The following PHF21A variants were observed in gnomAD, a reference collection of about 807,000 sequenced individuals.
PHF21A encodes the protein BHC80a.
PHF21A carries 11 observed loss-of-function variants against 82.5 expected under a neutral mutation model. That is an observed-to-expected ratio of 0.13 (90% CI 0.08 to 0.22). PHF21A has a LOEUF of 0.22. Ranked by LOEUF, PHF21A falls within the 10% of genes least tolerant of loss-of-function variation. PHF21A has a pLI of 1.00. For synonymous variants in PHF21A, 297 were observed against 302.8 expected (o/e 0.98, Z 0.20); for missense variants, 579 against 837.8 (o/e 0.69, Z 3.81).
intron 6 of PHF21A, among the ~76,000 whole-genome samples, chr11:46,016,159 A>G (rs1194184124): frequency 6.6e-6 from 1 of 152,200 alleles, no homozygotes; most frequent in African/African-American, 2.4e-5. Flanking sequence ...GAAAATTTTT[A>G]GCTCCACTAT....
At chr11:45,998,740 G>A (rs1419778093) in intron 6 of PHF21A, among the ~76,000 whole-genome samples, 1 of 151,952 alleles carries the variant, frequency 6.6e-6, no homozygotes, top group East Asian at 1.9e-4. Context: ...TCGAACTTCG[G>A]ACCTCAAGTC....
At chr11:46,053,527 T>C (rs1565752528) in intron 6 of PHF21A, among the ~76,000 whole-genome samples, 1 of 152,004 alleles carries the variant, frequency 6.6e-6, no homozygotes, top group Non-Finnish European at 1.5e-5. Flanking sequence ...TTAGTTTTTC[T>C]TCATTATATA....
intron 6 of PHF21A, among the ~76,000 whole-genome samples, chr11:46,024,990 C>G (rs984248949): frequency 1.3e-5 from 2 of 152,138 alleles, no homozygotes; most frequent in Non-Finnish European, 2.9e-5. Context: ...TACTCAAGAT[C>G]AGCATTATGC....
In PHF21A at chr11:45,956,952, A is replaced by G. The variant is rs183776009; in HGVS notation, c.997-3327T>C. On this transcript the variant is annotated intron_variant, in intron 10 of 18. Coordinates refer to ENST00000676320, the MANE Select transcript of PHF21A (RefSeq NM_001352027.3). ...AGAGAAAAAGACACAAAAAGGTTGA[A>G]AGTGAAAGGATGTTTATAATGAATG... Among the ~76,000 whole-genome samples the G allele has an allele frequency of 1.1e-3, 170 of 152,300 alleles. 1 individual carries two copies. Among genetic ancestry groups the G allele is most frequent in the African/African-American group, 3.8e-3 (157 of 41,560 alleles).
chr11:45,962,898 AGAG>A lies in PHF21A; in HGVS notation c.996+2414_996+2416del, dbSNP rs1341125544. On this transcript the variant is annotated intron_variant, in intron 10 of 18. Transcript: ENST00000676320. ...ACAGAGCGAGACTCTGTCTCAAAAA[AGAG>A]AAGAGAGAACATGAAATTTACTGCT... Among the ~76,000 whole-genome samples, 3 of 151,816 alleles carry A rather than the reference AGAG, an allele frequency of 2.0e-5. No individual in the cohort carries two copies. In the East Asian group the frequency reaches 5.8e-4, roughly 29 times the overall value.
chr11:45,994,798 G>A (rs928375152), intron 6 of PHF21A, among the ~76,000 whole-genome samples: 6 of 152,152 alleles, frequency 3.9e-5, no homozygotes, highest in South Asian at 2.1e-4. Context: ...GTAGTAGGAC[G>A]ACTTTGCAAT....
chr11:46,030,660 C>T (rs1250446156), intron 6 of PHF21A, among the ~76,000 whole-genome samples: 1 of 152,136 alleles, frequency 6.6e-6, no homozygotes, highest in Non-Finnish European at 1.5e-5. Flanking sequence ...TTTTAAACAA[C>T]TGCATCATAA....
At chr11:46,019,749 G>C (rs981708350) in intron 6 of PHF21A, among the ~76,000 whole-genome samples, 1 of 152,046 alleles carries the variant, frequency 6.6e-6, no homozygotes, top group Non-Finnish European at 1.5e-5. Flanking sequence ...TTATATTTCT[G>C]CTTGACAGTT....
Position 45,930,578 on chromosome 11 carries a change from G to A in PHF21A, c.*3390C>T, listed in dbSNP as rs967305664. On this transcript the variant is annotated 3_prime_UTR_variant, in exon 19 of 19. Coordinates refer to ENST00000676320, the MANE Select transcript of PHF21A (RefSeq NM_001352027.3). The stretch of plus-strand genomic sequence containing the variant: ...AAGAAAAAGGACCCACAGGCAGCAA[G>A]AATGCAGAGGTGGAGATGACAGCAA... The A allele has an allele frequency of 3.3e-5, 5 of 152,722 alleles. No homozygotes were observed. Among genetic ancestry groups the A allele is most frequent in the African/African-American group, 9.6e-5 (4 of 41,488 alleles). The allele number at this position is 152,722 out of a possible 1,614,324, so 9.5% of individuals were successfully genotyped here.
At chr11:46,076,346 C>G (rs1056158055) in intron 6 of PHF21A, among the ~76,000 whole-genome samples, 2 of 152,196 alleles carry the variant, frequency 1.3e-5, no homozygotes, top group African/African-American at 4.8e-5. Context: ...GAGCAATCTA[C>G]TTACAAGAAG....
intron 7 of PHF21A, among the ~76,000 whole-genome samples, chr11:45,977,888 A>C (rs1433499732): frequency 6.8e-6 from 1 of 147,026 alleles, no homozygotes; most frequent in Non-Finnish European, 1.5e-5. Context: ...AGAGTAGTTG[A>C]ATGGACCTAT....
intron 11 of PHF21A, among the ~76,000 whole-genome samples, chr11:45,953,017 T>C (rs1203682637): frequency 1.3e-5 from 2 of 152,246 alleles, no homozygotes; most frequent in Non-Finnish European, 2.9e-5. Context: ...TCCCTACTTT[T>C]ATGCTTCAAT....
chr11:46,024,478 T>C (rs1318301951), intron 6 of PHF21A, among the ~76,000 whole-genome samples: 1 of 152,172 alleles, frequency 6.6e-6, no homozygotes, highest in African/African-American at 2.4e-5. Flanking sequence ...TTCTCTTCTA[T>C]TTTTTCCTCT....
At position 45,934,058 on chromosome 11, in the gene PHF21A, G is replaced by T; in HGVS notation, c.1956C>A (p.Pro652=). 1 of 1,613,998 alleles carries T rather than the reference G, an allele frequency of 6.2e-7. No homozygotes were observed. Among genetic ancestry groups the T allele is most frequent in the South Asian group, 1.1e-5 (1 of 91,082 alleles). ...GCGTGGAGGTGGCGGCATTGGCAGG[G>T]GGGGTGCAGTCCGGGCCATTGGAGA... ...GAISNGPDCT[P]PANAATSTPA... Residue 652 remains proline (P), a synonymous_variant, in exon 19 of 19, where the codon CCC becomes CCA. Transcript: ENST00000676320.
chr11:46,064,283 G>C (rs2096569532), intron 6 of PHF21A, among the ~76,000 whole-genome samples: 1 of 152,168 alleles, frequency 6.6e-6, no homozygotes, highest in African/African-American at 2.4e-5. Flanking sequence ...CAAAGTGGGA[G>C]GGTTTTTTAA....
intron 6 of PHF21A, among the ~76,000 whole-genome samples, chr11:46,008,203 G>A (rs2095338926): frequency 6.6e-6 from 1 of 152,160 alleles, no homozygotes; most frequent in Non-Finnish European, 1.5e-5. Context: ...TCTATCATGT[G>A]AAATCCTAGA....
chr11:45,986,108 C>CACACACACACACACACACAG (rs2094483936), intron 6 of PHF21A, among the ~76,000 whole-genome samples: 1 of 151,594 alleles, frequency 6.6e-6, no homozygotes, highest in South Asian at 2.1e-4. Context: ...CACACACACA[C>CACACACACACACACACACAG]AGAGGTATTT....
chr11:46,043,790 T>C (rs2096203342), intron 6 of PHF21A, among the ~76,000 whole-genome samples: 1 of 152,210 alleles, frequency 6.6e-6, no homozygotes, highest in African/African-American at 2.4e-5. Context: ...CGCTGTCATA[T>C]ACCCACATTG....
At chr11:45,949,028 G>C (rs2091729039) in intron 13 of PHF21A, 82 bp from the exon 14 acceptor site, 5 of 1,075,868 alleles carry the variant, frequency 4.6e-6, no homozygotes, top group Non-Finnish European at 7.3e-6. Flanking sequence ...ACCAAGCATG[G>C]CATGACTGTC....
Sources: gnomAD v4.1 joint callset for allele counts (sites outside exome capture counted in the v4.1 genomes callset) on GRCh38, gnomAD v4.1.1 for gene constraint, MANE v1.5 for transcripts, NCBI Gene and HGNC (gene_info 2026-07-23, HGNC 2026-07-21) for gene names.